ITPA: variants seen among roughly 807,000 people sequenced by gnomAD.
ITPA encodes inosine triphosphatase.
In ITPA, 29 loss-of-function variants were observed where a neutral mutation model predicts 29.6. The observed-to-expected ratio is 0.98, with a 90% CI of 0.73 to 1.34. The LOEUF (loss-of-function observed/expected upper bound fraction) is 1.34. Among genes scored for constraint, ITPA ranks in the 40% most tolerant of loss-of-function variants. The pLI, the probability that ITPA is intolerant of heterozygous loss-of-function variation, is 0.00. For synonymous variants in ITPA, 103 were observed against 99.3 expected (o/e 1.04, Z -0.22); for missense variants, 241 against 251.5 (o/e 0.96, Z 0.28).
chr20:3,220,194 A>C (rs2067427368), intron 6 of ITPA, among the ~76,000 whole-genome samples: 2 of 152,004 alleles, frequency 1.3e-5, no homozygotes, highest in African/African-American at 4.8e-5. Flanking sequence ...AGTAACTGGG[A>C]CTACAGGCGT....
In ITPA at chr20:3,214,086, G is replaced by A. The variant is rs370896046; in HGVS notation, c.263+28G>A. 3.7e-6 allele frequency: 6 copies of A among 1,609,596 alleles called. No individual in the cohort carries two copies. In the African/African-American group the frequency reaches 8.0e-5, roughly 22 times the overall value. On this transcript the variant is annotated intron_variant, in intron 4 of 7. Transcript: ENST00000380113. The stretch of plus-strand genomic sequence containing the variant: ...GAGTGACTACCTCCACCCCCTTACA[G>A]GGCGTCAGGCCCAAAACCACCAGAA...
Position 3,213,363 on chromosome 20 carries a change from T to C in ITPA, c.169T>C (p.Cys57Arg). The C allele has an allele frequency of 6.2e-7, 1 of 1,614,112 alleles. No homozygotes were observed. Among genetic ancestry groups the C allele is most frequent in the Non-Finnish European group, 8.5e-7 (1 of 1,180,034 alleles). Reference sequence around the variant, plus strand: ...GCCGGATGAGATTTCCATACAGAAATGTCAGGAGGCAGTTCGCCAGGTGCT... The same window carrying C: ...GCCGGATGAGATTTCCATACAGAAACGTCAGGAGGCAGTTCGCCAGGTGCT... ...GEPDEISIQKCQEAVRQVQGP... is the reference protein window; with the variant it reads ...GEPDEISIQKRQEAVRQVQGP... The change falls in exon 3 of 8, where the codon TGT (cysteine) becomes CGT (arginine). Residue 57 changes from cysteine (C) to arginine (R), a missense_variant. Coordinates refer to ENST00000380113, the MANE Select transcript of ITPA (RefSeq NM_033453.4).
chr20:3,225,907 T>C (rs1390974773), downstream of ITPA, among the ~76,000 whole-genome samples: 2 of 152,076 alleles, frequency 1.3e-5, no homozygotes. Context: ...CAGGCACCTA[T>C]AATCCCAGCT....
intron 1 of ITPA, among the ~76,000 whole-genome samples, chr20:3,210,644 G>GACCA: frequency 6.6e-6 from 1 of 152,234 alleles, no homozygotes; most frequent in East Asian, 1.9e-4. Flanking sequence ...GCCGAAAAAA[G>GACCA]GTTTGGGATC....
intron 1 of ITPA, among the ~76,000 whole-genome samples, chr20:3,210,584 G>A (rs1422810025): frequency 6.6e-6 from 1 of 152,082 alleles, no homozygotes. Context: ...AGGGACTGAT[G>A]TCACTTTGGT....
intron 6 of ITPA, among the ~76,000 whole-genome samples, chr20:3,221,402 TCTTC>T (rs1355058699): frequency 6.6e-6 from 1 of 152,192 alleles, no homozygotes; most frequent in Non-Finnish European, 1.5e-5. Flanking sequence ...ATTGTTAAAG[TCTTC>T]CTTGTATTTT....
downstream of ITPA, among the ~76,000 whole-genome samples, chr20:3,226,261 T>C (rs2067553283): frequency 6.6e-6 from 1 of 152,256 alleles, no homozygotes; most frequent in South Asian, 2.1e-4. The surrounding 1 kb of genome is among the most constrained non-coding windows in gnomAD (Gnocchi z 4.4). Context: ...TAGGTTGAAT[T>C]GAATTGAATT....
intron 6 of ITPA, among the ~76,000 whole-genome samples, chr20:3,219,977 C>A (rs944724045): frequency 7.2e-6 from 1 of 138,024 alleles, no homozygotes; most frequent in Non-Finnish European, 1.5e-5. Flanking sequence ...CGGAGTTTGA[C>A]GGGACAGTGA....
intron 1 of ITPA, among the ~76,000 whole-genome samples, chr20:3,210,029 A>T (rs2067137098): frequency 6.6e-6 from 1 of 152,182 alleles, no homozygotes; most frequent in South Asian, 2.1e-4. Flanking sequence ...CGTGGGACGG[A>T]GTTCCACACT....
chr20:3,221,209 TCTTTC>T lies in ITPA; in HGVS notation c.412-631_412-627del, dbSNP rs1309607764. On this transcript the variant is annotated intron_variant, in intron 6 of 7. Transcript: ENST00000380113. Reference sequence around the variant, plus strand: ...GCCTGGCCAGATTTTCTTTTTCTTTTCTTTCTTTTTTTTTTTTACTTTGATAACAA... The same window carrying T: ...GCCTGGCCAGATTTTCTTTTTCTTTTTTTTTTTTTTTTACTTTGATAACAA... Among the ~76,000 whole-genome samples, 40 of 144,910 alleles carry T rather than the reference TCTTTC, an allele frequency of 2.8e-4. No homozygotes were observed. In the East Asian group the frequency reaches 7.5e-3, roughly 27 times the overall value.
At chr20:3,216,046 A>G (rs1341180496) in intron 5 of ITPA, among the ~76,000 whole-genome samples, 1 of 151,616 alleles carries the variant, frequency 6.6e-6, no homozygotes, top group Non-Finnish European at 1.5e-5. Context: ...GCTGGGGTGC[A>G]GTGCGTCAAT....
chr20:3,204,722 T>G, upstream of ITPA: 1 of 1,241,888 alleles, frequency 8.1e-7, no homozygotes, highest in Non-Finnish European at 1.1e-6. Flanking sequence ...CGCCCACTAC[T>G]CGGAGCCCCG....
intron 6 of ITPA, among the ~76,000 whole-genome samples, chr20:3,220,441 T>G (rs1330900489): frequency 6.6e-6 from 1 of 152,078 alleles, no homozygotes; most frequent in Non-Finnish European, 1.5e-5. Context: ...CTGGCCTTAG[T>G]CACGCAGCTC....
At chr20:3,219,676 C>T (rs1057003221) in intron 6 of ITPA, among the ~76,000 whole-genome samples, 64 of 146,280 alleles carry the variant, frequency 4.4e-4, no homozygotes, top group Non-Finnish European at 1.6e-4. Flanking sequence ...ACCCAGGAGG[C>T]GGAGGTTGCA....
intron 4 of ITPA, 101 bp downstream of exon 4, chr20:3,214,159 G>A: frequency 4.0e-6 from 4 of 988,026 alleles, no homozygotes; most frequent in Non-Finnish European, 4.8e-6. Flanking sequence ...CCCTGTCTTA[G>A]CATCAACAGC....
intron 5 of ITPA, 79 bp downstream of exon 5, chr20:3,215,391 G>A: frequency 4.6e-6 from 6 of 1,300,788 alleles, no homozygotes; most frequent in Non-Finnish European, 6.7e-6. Context: ...ACCCCAACTA[G>A]TAATCAGGAG....
chr20:3,208,254 T>TC (rs1374504444), upstream of ITPA, among the ~76,000 whole-genome samples: 1 of 151,848 alleles, frequency 6.6e-6, no homozygotes, highest in Non-Finnish European at 1.5e-5. Context: ...GTAACTGATG[T>TC]CCCCCAAGCC....
At chr20:3,224,004 G>A (rs1284409793), downstream of ITPA, 2 of 169,188 alleles carry the variant, frequency 1.2e-5, no homozygotes, top group South Asian at 1.5e-4. Flanking sequence ...GTCTCCACTC[G>A]AGTTCTTGCC....
chr20:3,213,663 C>T (rs2067224678), intron 3 of ITPA, among the ~76,000 whole-genome samples: 2 of 152,264 alleles, frequency 1.3e-5, no homozygotes, highest in South Asian at 4.1e-4. Context: ...CTACATCCTC[C>T]CCACACACAT....
Sources: allele counts gnomAD v4.1 joint callset (sites outside exome capture counted in the v4.1 genomes callset), GRCh38; gene constraint gnomAD v4.1.1; non-coding constraint Gnocchi (gnomAD v3.1); transcripts MANE v1.5; gene names NCBI Gene and HGNC (gene_info 2026-07-23, HGNC 2026-07-21).